The following SRI variants were observed in gnomAD, a reference collection of about 807,000 sequenced individuals.
The protein encoded by SRI is 22 kDa protein.
Under a neutral mutation model 33.3 loss-of-function variants are expected in SRI, and 30 were observed. That is an observed-to-expected ratio of 0.90 (90% CI 0.67 to 1.22). The LOEUF is 1.22. Among genes scored for constraint, SRI ranks in the 50% most tolerant of loss-of-function variants. The probability of loss-of-function intolerance (pLI) is 0.00; values close to 1 mark genes in which losing one functional copy is unlikely to be tolerated. For missense variants in SRI, 243 were observed against 250.8 expected (o/e 0.97, Z 0.21); for synonymous variants, 75 against 89.9 (o/e 0.83, Z 0.94).
intron 2 of SRI, 43 bp downstream of exon 2, chr7:88,218,816 T>G: frequency 1.3e-6 from 2 of 1,585,426 alleles, no homozygotes; most frequent in Non-Finnish European, 1.7e-6. Flanking sequence ...CTACCACAAA[T>G]GCAGACAATA....
At chr7:88,222,185 G>A (rs1204465679), upstream of SRI, among the ~76,000 whole-genome samples, 1 of 150,576 alleles carries the variant, frequency 6.6e-6, no homozygotes, top group Non-Finnish European at 1.5e-5. Context: ...ATGATTTATA[G>A]TCCTTTGGGT....
chr7:88,212,568 G>C (rs567481748), intron 3 of SRI, among the ~76,000 whole-genome samples: 12 of 152,180 alleles, frequency 7.9e-5, no homozygotes, highest in Non-Finnish European at 1.5e-4. Context: ...GATGATTCTA[G>C]TGAGCAGCCA....
chr7:88,206,547 T>G, intron 7 of SRI, 43 bp from the exon 8 acceptor site: 1 of 1,610,938 alleles, frequency 6.2e-7, no homozygotes, highest in Non-Finnish European at 8.5e-7. Context: ...TCAAAGCACT[T>G]ATACGGCACA....
In SRI at chr7:88,206,394, A is replaced by C; in HGVS notation, c.*84T>G. ...TAAGAGAAAGTCGTGATGTAAGTTT[A>C]TACATATTACCGAAGGCAAAGAGGA... On this transcript the variant is annotated 3_prime_UTR_variant, in exon 8 of 8. Coordinates refer to ENST00000265729, the MANE Select transcript of SRI (RefSeq NM_003130.4). 6.8e-7 allele frequency: 1 copy of C among 1,476,798 alleles called. No individual in the cohort carries two copies. The highest frequency in any genetic ancestry group is 9.5e-7 in the Non-Finnish European group (1 of 1,054,950). 91.5% of individuals were successfully genotyped at this position (1,476,798 alleles called of 1,614,324 possible).
chr7:88,206,286 T>A lies in SRI; in HGVS notation c.*192A>T, dbSNP rs2115729669. The A allele has an allele frequency of 1.5e-6, 1 of 670,906 alleles. No individual in the cohort carries two copies. The highest frequency in any genetic ancestry group is 2.7e-5 in the East Asian group (1 of 36,528). The allele number at this position is 670,906 out of a possible 1,614,324, so 41.6% of individuals were successfully genotyped here. ...TCTAAATGGTGTAACAGACTAGATC[T>A]TATTAAAGTTCCAAAGAATTTATTA... On this transcript the variant is annotated 3_prime_UTR_variant, in exon 8 of 8. Transcript: ENST00000265729.
At chr7:88,212,911 G>A (rs531984032) in intron 3 of SRI, among the ~76,000 whole-genome samples, 25 of 152,182 alleles carry the variant, frequency 1.6e-4, no homozygotes, top group South Asian at 1.5e-3. Flanking sequence ...TGCTCTGGAC[G>A]GCCTGACAAC....
At chr7:88,220,072 C>T, upstream of SRI, 1 of 1,491,002 alleles carries the variant, frequency 6.7e-7, no homozygotes, top group Non-Finnish European at 8.9e-7. Context: ...CGCCAGGCCT[C>T]TCCGCCCCCT....
intron 7 of SRI, 133 bp from the exon 8 acceptor site, chr7:88,206,637 T>A: frequency 1.1e-6 from 1 of 914,650 alleles, no homozygotes; most frequent in Non-Finnish European, 1.7e-6. Flanking sequence ...AAGATATGAG[T>A]AAATGATAGA....
At chr7:88,217,071 G>A (rs1311244584) in intron 3 of SRI, 51 bp downstream of exon 3, 3 of 1,521,806 alleles carry the variant, frequency 2.0e-6, no homozygotes, top group Non-Finnish European at 2.7e-6. Context: ...TAACAGCTAA[G>A]ATAGGAAACA....
Position 88,219,973 on chromosome 7 carries a change from T to C in SRI, c.51+3A>G. 6.5e-7 allele frequency: 1 copy of C among 1,540,046 alleles called. No individual in the cohort carries two copies. The highest frequency in any genetic ancestry group is 8.7e-7 in the Non-Finnish European group (1 of 1,146,308). On this transcript the variant is annotated splice_donor_region_variant and intron_variant, in intron 1 of 7. Transcript: ENST00000265729. Reference sequence around the variant, plus strand: ...GCCGCGATCCCGCGCAGTCAGCACTTACCCCGCCTGGGTAGTACCCGCCGC... The same window carrying C: ...GCCGCGATCCCGCGCAGTCAGCACTCACCCCGCCTGGGTAGTACCCGCCGC...
intron 3 of SRI, among the ~76,000 whole-genome samples, chr7:88,214,155 A>G (rs1488798425): frequency 2.6e-5 from 4 of 152,254 alleles, no homozygotes; most frequent in African/African-American, 7.2e-5. Flanking sequence ...GAAAGACTTT[A>G]TAGAAGACAA....
chr7:88,220,225 T>C, upstream of SRI: 1 of 1,311,538 alleles, frequency 7.6e-7, no homozygotes, highest in African/African-American at 1.6e-5. Flanking sequence ...ATCTTTGCCA[T>C]TACGGCGCTA....
Position 88,206,119 on chromosome 7 carries a change from A to AGAT in SRI, c.*356_*358dup, listed in dbSNP as rs1851435168. The AGAT allele has an allele frequency of 3.9e-6, 1 of 258,118 alleles. No homozygotes were observed. Among genetic ancestry groups the AGAT allele is most frequent in the East Asian group, 8.6e-5 (1 of 11,688 alleles). The allele number at this position is 258,118 out of a possible 1,614,324, so 16.0% of individuals were successfully genotyped here. A position where few individuals can be genotyped will look rare whatever the true frequency, so the allele number is the denominator to read the frequency against. ...TGGAGTATTCTTTGTAGGAGAGGAA[A>AGAT]GATAACAGCTGTAGTCTGATTAACA... is the stretch of plus-strand genomic sequence containing the variant. On this transcript the variant is annotated 3_prime_UTR_variant, in exon 8 of 8. Coordinates refer to ENST00000265729, the MANE Select transcript of SRI (RefSeq NM_003130.4).
chr7:88,218,933 C>A lies in SRI; in HGVS notation c.61G>T (p.Ala21Ser). The stretch of plus-strand genomic sequence containing the variant: ...CCGGGAAACGCAGGCCCTCCGGGAG[C>A]CCCTCCATACTGTGAAACAGGAAAC... ...GGYYPGGYGGAPGGPAFPGQT... is the reference protein window; with the variant it reads ...GGYYPGGYGGSPGGPAFPGQT... Residue 21 changes from alanine to serine, a missense_variant, in exon 2 of 8, where the codon GCT (alanine) becomes TCT (serine). Ala to Ser is a moderately conservative substitution (Grantham distance 99, BLOSUM62 1). Transcript: ENST00000265729. 1 of 1,613,862 alleles carries A rather than the reference C, an allele frequency of 6.2e-7. No homozygotes were observed. Among genetic ancestry groups the A allele is most frequent in the Non-Finnish European group, 8.5e-7 (1 of 1,179,808 alleles).
At chr7:88,209,177 A>G (rs765112852) in intron 6 of SRI, 162 bp downstream of exon 6, 3 of 509,576 alleles carry the variant, frequency 5.9e-6, no homozygotes, top group Admixed American at 3.8e-5. Context: ...TGGAAAAAAA[A>G]CCAAAAAATT....
intron 6 of SRI, 153 bp downstream of exon 6, chr7:88,209,186 T>C (rs765824685): frequency 1.9e-6 from 1 of 528,604 alleles, no homozygotes; most frequent in Non-Finnish European, 3.3e-6. Flanking sequence ...AACCAAAAAA[T>C]TATTTTGCCA....
rs1488310817 is a variant in SRI, at chr7:88,219,874, G to A, written c.51+102C>T. On this transcript the variant is annotated intron_variant, in intron 1 of 7. Coordinates refer to ENST00000265729, the MANE Select transcript of SRI (RefSeq NM_003130.4). Reference sequence around the variant, plus strand: ...GCCGAGGGCGGAAGGAGCCCGGGTAGCCGCCCAGCAGCGCCTCACCCCGCT... The same window carrying A: ...GCCGAGGGCGGAAGGAGCCCGGGTAACCGCCCAGCAGCGCCTCACCCCGCT... 5.0e-6 allele frequency: 7 copies of A among 1,403,076 alleles called. No homozygotes were observed. The East Asian group carries it at 1.1e-4, about 22-fold the overall frequency. The allele number at this position is 1,403,076 out of a possible 1,614,324, so 86.9% of individuals were successfully genotyped here.
chr7:88,213,507 A>G (rs1373530294), intron 3 of SRI, among the ~76,000 whole-genome samples: 3 of 152,116 alleles, frequency 2.0e-5, no homozygotes, highest in Non-Finnish European at 4.4e-5. Context: ...GGTCGGCCTC[A>G]TTTCTGCTCA....
At chr7:88,222,176 T>A (rs1238548808), upstream of SRI, among the ~76,000 whole-genome samples, 4 of 150,278 alleles carry the variant, frequency 2.7e-5, no homozygotes, top group Admixed American at 1.3e-4. Context: ...TATAGCAGCA[T>A]GATTTATAGT....
Sources: allele counts gnomAD v4.1 joint callset (sites outside exome capture counted in the v4.1 genomes callset), GRCh38; gene constraint gnomAD v4.1.1; transcripts MANE v1.5; gene names NCBI Gene and HGNC (gene_info 2026-07-23, HGNC 2026-07-21).